Variants in HLA-DRA observed in about 807,000 individuals in gnomAD.
HLA-DRA encodes the protein HLA class II histocompatibility antigen, DR alpha chain.
A neutral mutation model predicts 22.1 loss-of-function variants in HLA-DRA; 8 were observed. The observed-to-expected ratio is 0.36, with a 90% CI of 0.21 to 0.65. The LOEUF (loss-of-function observed/expected upper bound fraction) is 0.65. HLA-DRA is among the 30% of genes least tolerant of loss of function. The pLI is 0.63. For synonymous variants in HLA-DRA, 101 were observed against 117.1 expected (o/e 0.86, Z 0.89); for missense variants, 248 against 321.3 (o/e 0.77, Z 1.74).
intron 1 of HLA-DRA, among the ~76,000 whole-genome samples, chr6:32,440,566 A>G (rs1308053980): frequency 6.6e-6 from 1 of 152,252 alleles, no homozygotes; most frequent in African/African-American, 2.4e-5. Flanking sequence ...GTCATCAAAA[A>G]GCAACAATTT....
chr6:32,443,074 T>G, intron 2 of HLA-DRA, 111 bp from the exon 3 acceptor site: 1 of 981,254 alleles, frequency 1.0e-6, no homozygotes, highest in Non-Finnish European at 1.5e-6. Flanking sequence ...AACTACTTTT[T>G]CAGCTTTAGG....
Position 32,442,518 on chromosome 6 carries a change from T to C in HLA-DRA, c.153T>C (p.Phe51=). The C allele has an allele frequency of 6.2e-7, 1 of 1,613,050 alleles. No individual in the cohort carries two copies. Among genetic ancestry groups the C allele is most frequent in the Non-Finnish European group, 8.5e-7 (1 of 1,180,020 alleles). ...PDQSGEFMFD[F]DGDEIFHVDM... is the part of the protein sequence containing the mutation. ...AATCAGGCGAGTTTATGTTTGACTT[T>C]GATGGTGATGAGATTTTCCATGTGG... The change falls in exon 2 of 5, where the codon TTT becomes TTC. Residue 51 remains phenylalanine, a synonymous_variant. Transcript: ENST00000395388.
At chr6:32,441,946 T>C (rs944499522) in intron 1 of HLA-DRA, among the ~76,000 whole-genome samples, 2 of 152,218 alleles carry the variant, frequency 1.3e-5, no homozygotes, top group Admixed American at 1.3e-4. Context: ...GGTAAGTTGC[T>C]GAATAAGAAT....
chr6:32,441,499 C>T (rs1458877950), intron 1 of HLA-DRA, among the ~76,000 whole-genome samples: 3 of 152,214 alleles, frequency 2.0e-5, no homozygotes, highest in Non-Finnish European at 2.9e-5. Flanking sequence ...TCATTATTCC[C>T]TTGGTGTTGG....
chr6:32,442,718 T>A (rs1424519750), intron 2 of HLA-DRA, 25 bp downstream of exon 2: 3 of 1,610,194 alleles, frequency 1.9e-6, no homozygotes, highest in Non-Finnish European at 1.7e-6. Context: ...GCTGCACTCC[T>A]GGACATGGGA....
At chr6:32,441,087 G>A (rs1424574819) in intron 1 of HLA-DRA, among the ~76,000 whole-genome samples, 1 of 152,210 alleles carries the variant, frequency 6.6e-6, no homozygotes. Context: ...GGCTGGGCAC[G>A]GTGGCTCACG....
At chr6:32,444,207 C>G (rs1448670604) in intron 4 of HLA-DRA, among the ~76,000 whole-genome samples, 5 of 109,922 alleles carry the variant, frequency 4.5e-5, no homozygotes, top group Non-Finnish European at 8.7e-5. Flanking sequence ...GTCTAGGGAT[C>G]TAGAAAATAC....
At chr6:32,441,172 C>T (rs1762591380) in intron 1 of HLA-DRA, among the ~76,000 whole-genome samples, 1 of 152,142 alleles carries the variant, frequency 6.6e-6, no homozygotes, top group Non-Finnish European at 1.5e-5. Context: ...TCCTGGGCAA[C>T]ATGGTGAAAC....
intron 1 of HLA-DRA, 51 bp downstream of exon 1, chr6:32,440,083 G>A (rs1267141660): frequency 7.0e-7 from 1 of 1,435,004 alleles, no homozygotes; most frequent in South Asian, 1.1e-5. Flanking sequence ...AAGCATTGGA[G>A]AAAAGACCTA....
intron 2 of HLA-DRA, 35 bp from the exon 3 acceptor site, chr6:32,443,150 G>A: frequency 6.3e-7 from 1 of 1,588,748 alleles, no homozygotes. Flanking sequence ...AGCAGTGATG[G>A]CTGATTTCTG....
chr6:32,442,548 G>A lies in HLA-DRA; in HGVS notation c.183G>A (p.Met61Ile). 1 of 1,613,060 alleles carries A rather than the reference G, an allele frequency of 6.2e-7. No individual in the cohort carries two copies. Among genetic ancestry groups the A allele is most frequent in the Non-Finnish European group, 8.5e-7 (1 of 1,180,040 alleles). Reference protein sequence around the residue: ...FDGDEIFHVDMAKKETVWRLE... With the variant: ...FDGDEIFHVDIAKKETVWRLE... ...GTGATGAGATTTTCCATGTGGATAT[G>A]GCAAAGAAGGAGACGGTCTGGCGGC... is the stretch of plus-strand genomic sequence containing the variant. Residue 61 changes from methionine (M) to isoleucine (I), a missense_variant, in exon 2 of 5, where the codon ATG (methionine) becomes ATA (isoleucine). Transcript: ENST00000395388.
In HLA-DRA at chr6:32,442,481, T is replaced by C. The variant is rs1257068252; in HGVS notation, c.116T>C (p.Leu39Pro). ...EHVIIQAEFY[L>P]NPDQSGEFMF... ...GTGATCATCCAGGCCGAGTTCTATC[T>C]GAATCCTGACCAATCAGGCGAGTTT... The change falls in exon 2 of 5, where the codon CTG becomes CCG. Residue 39 changes from leucine to proline, a missense_variant. Transcript: ENST00000395388. 9 of 1,612,966 alleles carry C rather than the reference T, an allele frequency of 5.6e-6. No homozygotes were observed. The highest frequency in any genetic ancestry group is 2.7e-5 in the African/African-American group (2 of 74,938).
intron 1 of HLA-DRA, among the ~76,000 whole-genome samples, chr6:32,441,636 C>T (rs1269372299): frequency 1.3e-5 from 2 of 152,180 alleles, no homozygotes; most frequent in Non-Finnish European, 2.9e-5. Flanking sequence ...AGGTAACCAC[C>T]GTGTGGGTTT....
In HLA-DRA at chr6:32,442,545, T is replaced by C. The variant is rs1304331656; in HGVS notation, c.180T>C (p.Asp60=). The change falls in exon 2 of 5, where the codon GAT becomes GAC. Residue 60 remains aspartate (D), a synonymous_variant. Transcript: ENST00000395388. ...ATGGTGATGAGATTTTCCATGTGGA[T>C]ATGGCAAAGAAGGAGACGGTCTGGC... ...DFDGDEIFHV[D]MAKKETVWRL... is the part of the protein sequence containing the mutation. The C allele has an allele frequency of 1.2e-6, 2 of 1,613,046 alleles. No homozygotes were observed. The highest frequency in any genetic ancestry group is 8.5e-7 in the Non-Finnish European group (1 of 1,180,022).
At chr6:32,443,159 T>A in intron 2 of HLA-DRA, 26 bp from the exon 3 acceptor site, 2 of 1,600,224 alleles carry the variant, frequency 1.2e-6, no homozygotes, top group Non-Finnish European at 1.7e-6. Context: ...GGCTGATTTC[T>A]GTCATGTCTG....
In HLA-DRA at chr6:32,443,364, T is replaced by G; in HGVS notation, c.508T>G (p.Phe170Val). 6.2e-7 allele frequency: 1 copy of G among 1,613,016 alleles called. No homozygotes were observed. The highest frequency in any genetic ancestry group is 8.5e-7 in the Non-Finnish European group (1 of 1,180,002). The change falls in exon 3 of 5, where the codon TTC (phenylalanine) becomes GTC (valine). Residue 170 changes from phenylalanine to valine, a missense_variant. Transcript: ENST00000395388. ...TVFLPREDHL[F>V]RKFHYLPFLP... ...CTTCCTGCCCAGGGAAGACCACCTT[T>G]TCCGCAAGTTCCACTATCTCCCCTT...
At position 32,443,330 on chromosome 6, in the gene HLA-DRA, A is replaced by T. The variant is rs1170775866; in HGVS notation, c.474A>T (p.Ser158=). The part of the protein sequence containing the change: ...RNGKPVTTGV[S]ETVFLPREDH... ...GAAAACCTGTCACCACAGGAGTGTCAGAGACAGTCTTCCTGCCCAGGGAAG... is the reference window on the plus strand; with the variant it reads ...GAAAACCTGTCACCACAGGAGTGTCTGAGACAGTCTTCCTGCCCAGGGAAG... The change falls in exon 3 of 5, where the codon TCA becomes TCT. Residue 158 remains serine (S), a synonymous_variant. Transcript: ENST00000395388. 1.2e-6 allele frequency: 2 copies of T among 1,613,108 alleles called. No individual in the cohort carries two copies. The highest frequency in any genetic ancestry group is 2.2e-5 in the South Asian group (2 of 91,086).
chr6:32,441,221 G>A (rs1762594326), intron 1 of HLA-DRA, among the ~76,000 whole-genome samples: 1 of 152,200 alleles, frequency 6.6e-6, no homozygotes, highest in South Asian at 2.1e-4. Flanking sequence ...AGCTGGGTAT[G>A]GTGGCACACG....
chr6:32,440,461 T>A (rs1237766284), intron 1 of HLA-DRA, among the ~76,000 whole-genome samples: 1 of 152,216 alleles, frequency 6.6e-6, no homozygotes, highest in East Asian at 1.9e-4. Flanking sequence ...CCTGTTCTTA[T>A]CTGAATACAT....
Sources: allele counts gnomAD v4.1 joint callset (sites outside exome capture counted in the v4.1 genomes callset), GRCh38; gene constraint gnomAD v4.1.1; transcripts MANE v1.5; gene names NCBI Gene and HGNC (gene_info 2026-07-23, HGNC 2026-07-21).